CCDC88C: variants seen among roughly 807,000 people sequenced by gnomAD.
The protein encoded by CCDC88C is coiled-coil and HOOK domain protein 88C, also known as protein Daple.
Under a neutral mutation model 198.8 loss-of-function variants are expected in CCDC88C, and 131 were observed. The ratio of observed to expected loss-of-function variants is 0.66; its 90% CI spans 0.57 to 0.76. The LOEUF (loss-of-function observed/expected upper bound fraction) is 0.76. Among genes scored for constraint, CCDC88C ranks in the 30% least tolerant of loss-of-function variants. The probability of loss-of-function intolerance (pLI) is 0.00; values close to 1 mark genes in which losing one functional copy is unlikely to be tolerated. For missense variants in CCDC88C, 2,553 were observed against 2,631.6 expected, an observed-to-expected ratio of 0.97 and a Z score of 0.65; for synonymous variants, 1,166 against 1,114.7, an observed-to-expected ratio of 1.05 and a Z score of -0.92.
intron 3 of CCDC88C, among the ~76,000 whole-genome samples, chr14:91,380,967 A>C (rs1884754381): frequency 6.6e-6 from 1 of 152,180 alleles, no homozygotes; most frequent in Non-Finnish European, 1.5e-5. Context: ...GTGTAATAGC[A>C]TTGCTGGTGG....
At position 91,287,068 on chromosome 14, in the gene CCDC88C, A is replaced by ATT. The variant is rs144140010; in HGVS notation, c.4441+2035_4441+2036dup. On this transcript the variant is annotated intron_variant, in intron 25 of 29. Transcript: ENST00000389857. Reference sequence around the variant, plus strand: ...ACGGATCACTTTGGACCAGTCAAGCATTTTTTTCTCTGAAAGTTTTCCTAA... The same window carrying ATT: ...ACGGATCACTTTGGACCAGTCAAGCATTTTTTTTTCTCTGAAAGTTTTCCTAA... Among the ~76,000 whole-genome samples the ATT allele has an allele frequency of 5.1e-3, 777 of 152,272 alleles. 5 individuals are homozygous for ATT. Among genetic ancestry groups the ATT allele is most frequent in the African/African-American group, 0.018 (740 of 41,540 alleles).
intron 26 of CCDC88C, among the ~76,000 whole-genome samples, chr14:91,282,959 G>GA (rs899367201): frequency 1.3e-5 from 2 of 152,182 alleles, no homozygotes; most frequent in East Asian, 1.9e-4. Context: ...CTTCTCTCGA[G>GA]AAAAAAACCC....
At chr14:91,404,851 G>T (rs1371665628) in intron 3 of CCDC88C, among the ~76,000 whole-genome samples, 3 of 151,852 alleles carry the variant, frequency 2.0e-5, no homozygotes, top group Non-Finnish European at 2.9e-5. Context: ...TGTAGTCCCA[G>T]CTACTCGGGA....
rs17127251 is a variant in CCDC88C, at chr14:91,331,195, C to T, written c.1051-5139G>A. Among the ~76,000 whole-genome samples the T allele has an allele frequency of 9.6e-3, 1,465 of 152,254 alleles. 26 individuals are homozygous for T. The highest frequency in any genetic ancestry group is 0.032 in the African/African-American group (1,341 of 41,522). On this transcript the variant is annotated intron_variant, in intron 10 of 29. Transcript: ENST00000389857. Reference sequence around the variant, plus strand: ...CAGCTGACACTGCTTTCACACAGGTCTGCCTTTGAGCCCAGGGAGAGGCAG... The same window carrying T: ...CAGCTGACACTGCTTTCACACAGGTTTGCCTTTGAGCCCAGGGAGAGGCAG...
intron 12 of CCDC88C, among the ~76,000 whole-genome samples, chr14:91,321,621 C>T (rs1892360995): frequency 6.6e-6 from 1 of 152,212 alleles, no homozygotes; most frequent in African/African-American, 2.4e-5. Context: ...CCTAACTGTC[C>T]AATCAAGGAT....
intron 4 of CCDC88C, among the ~76,000 whole-genome samples, chr14:91,353,966 C>T (rs1364682912): frequency 6.6e-6 from 1 of 152,174 alleles, no homozygotes; most frequent in Non-Finnish European, 1.5e-5. Flanking sequence ...AACCCTCTTG[C>T]TTGGAACCAG....
intron 3 of CCDC88C, among the ~76,000 whole-genome samples, chr14:91,375,616 G>A (rs1037871359): frequency 9.2e-5 from 14 of 152,220 alleles, no homozygotes; most frequent in African/African-American, 2.9e-4. Context: ...AGGGCCGGCC[G>A]AGAGCCCACA....
chr14:91,287,213 T>TA (rs1404397530), intron 25 of CCDC88C, among the ~76,000 whole-genome samples: 2 of 152,160 alleles, frequency 1.3e-5, no homozygotes, highest in South Asian at 2.1e-4. Flanking sequence ...CCCTCTAGCT[T>TA]AAAAAAAGTT....
intron 25 of CCDC88C, chr14:91,285,480 A>AG: frequency 2.2e-6 from 1 of 464,414 alleles, no homozygotes; most frequent in South Asian, 1.7e-5. Flanking sequence ...GAAATGGTCC[A>AG]GGGAGTGTGA....
At chr14:91,303,559 T>TCCAGGCTCCACCCATCTTCC in intron 20 of CCDC88C, 142 bp downstream of exon 20, 1 of 405,736 alleles carries the variant, frequency 2.5e-6, no homozygotes, top group East Asian at 1.0e-4. Context: ...ACCCATCTCC[T>TCCAGGCTCCACCCATCTTCC]CCAGGCTCCA....
chr14:91,387,239 A>G (rs1885200056), intron 3 of CCDC88C, among the ~76,000 whole-genome samples: 1 of 152,182 alleles, frequency 6.6e-6, no homozygotes, highest in Non-Finnish European at 1.5e-5. Flanking sequence ...TATAGAACTG[A>G]CAGTCAGTTT....
intron 3 of CCDC88C, among the ~76,000 whole-genome samples, chr14:91,380,831 C>T (rs1884743645): frequency 6.6e-6 from 1 of 152,120 alleles, no homozygotes; most frequent in Admixed American, 6.5e-5. Context: ...CCCCAGGGAG[C>T]GTTTGTGATT....
At chr14:91,287,628 C>T (rs974416557) in intron 25 of CCDC88C, among the ~76,000 whole-genome samples, 2 of 149,070 alleles carry the variant, frequency 1.3e-5, no homozygotes, top group Non-Finnish European at 3.0e-5. Context: ...TGAGCCACTG[C>T]ACCAGGTCTT....
chr14:91,358,146 G>A (rs1333007433), intron 4 of CCDC88C, among the ~76,000 whole-genome samples: 2 of 152,208 alleles, frequency 1.3e-5, no homozygotes, highest in African/African-American at 4.8e-5. Context: ...GATGTTCTCA[G>A]GGCGGTGGCA....
Position 91,273,602 on chromosome 14 carries a change from T to G in CCDC88C, c.5110A>C (p.Ser1704Arg). 6.7e-7 allele frequency: 1 copy of G among 1,493,434 alleles called. No homozygotes were observed. Among genetic ancestry groups the G allele is most frequent in the Non-Finnish European group, 8.9e-7 (1 of 1,120,720 alleles). The allele number at this position is 1,493,434 out of a possible 1,614,324, so 92.5% of individuals were successfully genotyped here. The stretch of plus-strand genomic sequence containing the variant: ...TGGCCTCCGATGGCTGGGGGATCGC[T>G]GGCCTTTCGGAAGTAGTCACTCAGC... ...DLLSDYFRKA[S>R]DPPAIGGQPG... The change falls in exon 30 of 30, where the codon AGC becomes CGC. Residue 1704 changes from serine (S) to arginine (R), a missense_variant. Coordinates refer to ENST00000389857, the MANE Select transcript of CCDC88C (RefSeq NM_001080414.4). The surrounding 1 kb of genome is among the most constrained non-coding windows in gnomAD (Gnocchi z 5.6).
rs779771865 is a variant in CCDC88C, at chr14:91,303,693, G to A, written c.3635+8C>T. On this transcript the variant is annotated splice_region_variant and intron_variant, in intron 20 of 29. Transcript: ENST00000389857. Reference sequence around the variant, plus strand: ...CTCCCCAGATCCCCTTCCTTCCCCAGGCCCTACCTCTCCCCGAGCTCCTTG... The same window carrying A: ...CTCCCCAGATCCCCTTCCTTCCCCAAGCCCTACCTCTCCCCGAGCTCCTTG... 25 of 1,565,398 alleles carry A rather than the reference G, an allele frequency of 1.6e-5. No individual in the cohort carries two copies. Among genetic ancestry groups the A allele is most frequent in the Non-Finnish European group, 2.1e-5 (24 of 1,153,822 alleles).
At position 91,352,228 on chromosome 14, in the gene CCDC88C, G is replaced by A. The variant is rs560496974; in HGVS notation, c.340+7414C>T. Among the ~76,000 whole-genome samples the A allele has an allele frequency of 1.3e-5, 2 of 152,258 alleles. No homozygotes were observed. The highest frequency in any genetic ancestry group is 4.1e-4 in the South Asian group (2 of 4,834). The stretch of plus-strand genomic sequence containing the variant: ...GCTGTTGCAGCCAGCGGCGTTCTCT[G>A]TGTGCCTGGGCCATCGCTAGGAAGT... On this transcript the variant is annotated intron_variant, in intron 4 of 29. Coordinates refer to ENST00000389857, the MANE Select transcript of CCDC88C (RefSeq NM_001080414.4). The surrounding 1 kb of genome is among the most constrained non-coding windows in gnomAD (Gnocchi z 4.2).
chr14:91,328,270 A>G (rs907074255), intron 10 of CCDC88C, among the ~76,000 whole-genome samples: 1 of 152,206 alleles, frequency 6.6e-6, no homozygotes, highest in Non-Finnish European at 1.5e-5. Context: ...TTCAACCTCC[A>G]CTATACATAA....
rs201104260 is a variant in CCDC88C, at chr14:91,273,428, C to T, written c.5284G>A (p.Ala1762Thr). 31 of 1,575,264 alleles carry T rather than the reference C, an allele frequency of 2.0e-5. No homozygotes were observed. The Middle Eastern group carries it at 5.1e-4, about 26-fold the overall frequency. Residue 1762 changes from alanine (A) to threonine (T), a missense_variant, in exon 30 of 30, where the codon GCC (alanine) becomes ACC (threonine). Ala to Thr is a moderately conservative substitution (Grantham distance 58, BLOSUM62 0). Around this residue, in one of 2 missense-constraint regions of CCDC88C, gnomAD observed 1,293 missense variants for 1,219.6 expected, o/e 1.06. Coordinates refer to ENST00000389857, the MANE Select transcript of CCDC88C (RefSeq NM_001080414.4). This position sits in a 1 kb window ranked among gnomAD's most constrained non-coding sequence, Gnocchi z 5.6. Reference sequence around the variant, plus strand: ...TGTCTCGGGGCCACGCTGGGTGGGGCCTCGGCCTCAGTCAGTCTGAAGTTT... The same window carrying T: ...TGTCTCGGGGCCACGCTGGGTGGGGTCTCGGCCTCAGTCAGTCTGAAGTTT... Reference protein sequence around the residue: ...KPNFRLTEAEAPPSVAPRQAQ... With the variant: ...KPNFRLTEAETPPSVAPRQAQ...
Sources: allele counts gnomAD v4.1 joint callset (sites outside exome capture counted in the v4.1 genomes callset), GRCh38; gene constraint gnomAD v4.1.1; regional missense constraint gnomAD v4.1.1; non-coding constraint Gnocchi (gnomAD v3.1); transcripts MANE v1.5; gene names NCBI Gene and HGNC (gene_info 2026-07-23, HGNC 2026-07-21).